The following ARFIP1 variants were observed in gnomAD, a reference collection of about 807,000 sequenced individuals.
The protein encoded by ARFIP1 is ARF interacting protein 1.
A neutral mutation model predicts 42.5 loss-of-function variants in ARFIP1; 24 were observed. That is an observed-to-expected ratio of 0.57 (90% CI 0.41 to 0.80). The LOEUF (loss-of-function observed/expected upper bound fraction) is 0.80, where lower values mean the gene tolerates loss of function less well. Among genes scored for constraint, ARFIP1 ranks in the 30% least tolerant of loss-of-function variants. ARFIP1 has a pLI of 0.00. For synonymous variants in ARFIP1, 141 were observed against 153.7 expected, an observed-to-expected ratio of 0.92 and a Z score of 0.61; for missense variants, 354 against 434.0, an observed-to-expected ratio of 0.82 and a Z score of 1.64.
At chr4:152,836,191 G>C (rs1451248224) in intron 2 of ARFIP1, among the ~76,000 whole-genome samples, 1 of 152,218 alleles carries the variant, frequency 6.6e-6, no homozygotes, top group Non-Finnish European at 1.5e-5. Flanking sequence ...AAGTTCTGGA[G>C]ATATAATATA....
chr4:152,881,448 CCTT>C (rs1735840256), intron 6 of ARFIP1, among the ~76,000 whole-genome samples: 1 of 152,016 alleles, frequency 6.6e-6, no homozygotes, highest in South Asian at 2.1e-4. Flanking sequence ...GCCTTTTACT[CCTT>C]AATCAATATC....
chr4:152,897,355 G>A (rs1279538224), intron 8 of ARFIP1, among the ~76,000 whole-genome samples: 3 of 151,860 alleles, frequency 2.0e-5, no homozygotes, highest in African/African-American at 7.3e-5. Context: ...ATTCCGGCAT[G>A]ACAATTTTTG....
At chr4:152,879,037 A>AC (rs5863022) in intron 5 of ARFIP1, among the ~76,000 whole-genome samples, 102,825 of 151,910 alleles carry the variant, frequency 0.68, 35,120 homozygotes, top group African/African-American at 0.75. Context: ...CTTCAGTTCA[A>AC]GTTTCTCTTG....
At chr4:152,838,605 G>A (rs1273462136) in intron 2 of ARFIP1, among the ~76,000 whole-genome samples, 1 of 152,152 alleles carries the variant, frequency 6.6e-6, no homozygotes. Context: ...CTATAGAAGA[G>A]CTACTGATTT....
chr4:152,787,152 T>C (rs1395956225), intron 1 of ARFIP1, among the ~76,000 whole-genome samples: 3 of 152,234 alleles, frequency 2.0e-5, no homozygotes, highest in African/African-American at 4.8e-5. Flanking sequence ...ACCTGACACC[T>C]AAATTTGACT....
chr4:152,859,148 G>A (rs376708169), intron 2 of ARFIP1, among the ~76,000 whole-genome samples: 13 of 152,122 alleles, frequency 8.5e-5, no homozygotes, highest in South Asian at 2.1e-4. Flanking sequence ...TGCAGCCTCC[G>A]TCGCCTGGGC....
chr4:152,794,428 A>G (rs888758422), intron 1 of ARFIP1, among the ~76,000 whole-genome samples: 8 of 152,288 alleles, frequency 5.3e-5, no homozygotes, highest in African/African-American at 1.9e-4. Flanking sequence ...TTTGGCAAGA[A>G]TACCACAAAA....
chr4:152,810,457 G>A (rs1729354755), intron 1 of ARFIP1: 1 of 152,178 alleles, frequency 6.6e-6, no homozygotes, highest in South Asian at 2.1e-4. Flanking sequence ...TGTCTGTGGT[G>A]TTTCCGTGGT....
At chr4:152,818,153 T>C (rs1452430679) in intron 1 of ARFIP1, among the ~76,000 whole-genome samples, 1 of 152,178 alleles carries the variant, frequency 6.6e-6, no homozygotes, top group Non-Finnish European at 1.5e-5. Context: ...GTGTAGAAAT[T>C]CACACTGTGA....
At chr4:152,859,717 C>T (rs749665363) in intron 2 of ARFIP1, among the ~76,000 whole-genome samples, 6 of 151,896 alleles carry the variant, frequency 4.0e-5, no homozygotes, top group Non-Finnish European at 7.4e-5. Flanking sequence ...TCATCACCTT[C>T]CCTTTAAAGC....
chr4:152,895,481 G>A (rs753855847), intron 8 of ARFIP1, among the ~76,000 whole-genome samples: 6 of 150,836 alleles, frequency 4.0e-5, no homozygotes, highest in Non-Finnish European at 7.4e-5. Flanking sequence ...TGAACTCCTG[G>A]CCATAAATGA....
At chr4:152,822,267 G>A (rs1357648763) in intron 1 of ARFIP1, among the ~76,000 whole-genome samples, 7 of 76,138 alleles carry the variant, frequency 9.2e-5, no homozygotes, top group Non-Finnish European at 1.5e-4. Flanking sequence ...CATTATATCA[G>A]ATCAAACAGA....
intron 1 of ARFIP1, among the ~76,000 whole-genome samples, chr4:152,813,119 A>G (rs1729596838): frequency 6.6e-6 from 1 of 152,176 alleles, no homozygotes; most frequent in South Asian, 2.1e-4. Context: ...TTTGAGGGGG[A>G]AAAACAATAA....
intron 1 of ARFIP1, among the ~76,000 whole-genome samples, chr4:152,781,729 A>G (rs183277351): frequency 1.2e-4 from 19 of 152,314 alleles, no homozygotes; most frequent in African/African-American, 4.1e-4. Flanking sequence ...AAAGATTTCT[A>G]ATGTATTTTG....
intron 1 of ARFIP1, among the ~76,000 whole-genome samples, chr4:152,795,186 G>A (rs1255215725): frequency 7.0e-6 from 1 of 143,836 alleles, no homozygotes; most frequent in Non-Finnish European, 1.5e-5. Context: ...TTGTTTGTTT[G>A]TTTGTTTTTG....
At chr4:152,845,448 T>C (rs60044626) in intron 2 of ARFIP1, among the ~76,000 whole-genome samples, 2,143 of 152,276 alleles carry the variant, frequency 0.014, 26 homozygotes, top group African/African-American at 0.034. Context: ...ATTTGCAGAC[T>C]ATGCATCTGA....
chr4:152,796,711 A>C, intron 1 of ARFIP1: 1 of 864,542 alleles, frequency 1.2e-6, no homozygotes, highest in Non-Finnish European at 2.0e-6. Flanking sequence ...CTTCAGACCA[A>C]TCATTTTCTT....
chr4:152,878,387 A>C (rs1735542344), intron 5 of ARFIP1, among the ~76,000 whole-genome samples: 1 of 152,214 alleles, frequency 6.6e-6, no homozygotes, highest in African/African-American at 2.4e-5. Flanking sequence ...AAGCAATTTA[A>C]ATAAAAATCC....
intron 2 of ARFIP1, among the ~76,000 whole-genome samples, chr4:152,852,703 A>G (rs1733097919): frequency 6.6e-6 from 1 of 152,204 alleles, no homozygotes; most frequent in South Asian, 2.1e-4. Context: ...GAGGCTATAT[A>G]ATATTACTTA....
Sources: gnomAD v4.1 joint callset for allele counts (sites outside exome capture counted in the v4.1 genomes callset) on GRCh38, gnomAD v4.1.1 for gene constraint, MANE v1.5 for transcripts, NCBI Gene and HGNC (gene_info 2026-07-23, HGNC 2026-07-21) for gene names.